PIBF1: variants seen among roughly 807,000 people sequenced by gnomAD.
The protein encoded by PIBF1 is progesterone-induced-blocking factor 1.
Under a neutral mutation model 112.5 loss-of-function variants are expected in PIBF1, and 90 were observed. The observed-to-expected ratio is 0.80, with a 90% CI of 0.67 to 0.95. The LOEUF (loss-of-function observed/expected upper bound fraction) is 0.95, where lower values mean the gene tolerates loss of function less well. Among genes scored for constraint, PIBF1 ranks in the 40% least tolerant of loss-of-function variants. PIBF1 has a pLI of 0.00. For missense variants in PIBF1, 915 were observed against 852.3 expected, an observed-to-expected ratio of 1.07 and a Z score of -0.92; for synonymous variants, 301 against 288.6, an observed-to-expected ratio of 1.04 and a Z score of -0.44.
rs1156850423 is a variant in PIBF1 at position 72,996,089 on chromosome 13, G to GT, written c.2050-2733_2050-2732insT. On this transcript the variant is annotated intron_variant, in intron 16 of 17. Coordinates refer to ENST00000326291, the MANE Select transcript of PIBF1 (RefSeq NM_006346.4). The stretch of plus-strand genomic sequence containing the variant: ...TCTTCATAACAAAAAAAAAAAAGCG[G>GT]GGGGGGGGGGTCATAAACAAAGTCA... Among the ~76,000 whole-genome samples, 3 of 111,002 alleles carry GT rather than the reference G, an allele frequency of 2.7e-5. 1 individual carries two copies. The highest frequency in any genetic ancestry group is 5.4e-5 in the Non-Finnish European group (3 of 55,918). 72.8% of individuals were successfully genotyped at this position (111,002 alleles called of 152,430 possible). A position where few individuals can be genotyped will look rare whatever the true frequency, so the allele number is the denominator to read the frequency against.
chr13:73,005,282 T>A (rs2139044640), intron 17 of PIBF1, among the ~76,000 whole-genome samples: 1 of 150,004 alleles, frequency 6.7e-6, no homozygotes, highest in East Asian at 2.0e-4. Flanking sequence ...TTTTGTGAGA[T>A]CCTACCTTTA....
chr13:72,796,069 T>C (rs1490810365), intron 4 of PIBF1, among the ~76,000 whole-genome samples: 1 of 152,192 alleles, frequency 6.6e-6, no homozygotes. Context: ...CCCCAATGAG[T>C]GTTTGTTTAT....
At chr13:72,868,207 T>C (rs1399301893) in intron 10 of PIBF1, among the ~76,000 whole-genome samples, 1 of 151,904 alleles carries the variant, frequency 6.6e-6, no homozygotes, top group Non-Finnish European at 1.5e-5. Flanking sequence ...AGGCTGAGGT[T>C]GAAGGATCCC....
intron 10 of PIBF1, among the ~76,000 whole-genome samples, chr13:72,863,756 G>C (rs1462255884): frequency 6.6e-6 from 1 of 151,816 alleles, no homozygotes; most frequent in Non-Finnish European, 1.5e-5. Context: ...ATTAAGGATT[G>C]TCTTAAAATA....
chr13:72,977,291 A>T (rs1218479535), intron 16 of PIBF1, among the ~76,000 whole-genome samples: 4 of 151,666 alleles, frequency 2.6e-5, no homozygotes, highest in Non-Finnish European at 4.4e-5. Flanking sequence ...CGCAACCTCC[A>T]CCTCCCTGGT....
At chr13:72,899,537 C>G (rs2040407621) in intron 11 of PIBF1, among the ~76,000 whole-genome samples, 1 of 152,132 alleles carries the variant, frequency 6.6e-6, no homozygotes, top group Non-Finnish European at 1.5e-5. Context: ...TCAATAGATG[C>G]AGAAACAGCG....
chr13:72,965,366 A>C lies in PIBF1; in HGVS notation c.1926A>C (p.Ser642=). 1 of 1,610,654 alleles carries C rather than the reference A, an allele frequency of 6.2e-7. No homozygotes were observed. The highest frequency in any genetic ancestry group is 8.5e-7 in the Non-Finnish European group (1 of 1,177,664). ...GTCAGAGAGATTCTAAGATTGATTC[A>C]CTGACGGAATCTATTGCACAACTTG... is the stretch of plus-strand genomic sequence containing the variant. The part of the protein sequence containing the change: ...SVRQRDSKID[S]LTESIAQLEK... Residue 642 remains serine (S), a synonymous_variant, in exon 15 of 18, where the codon TCA becomes TCC. Transcript: ENST00000326291.
intron 14 of PIBF1, among the ~76,000 whole-genome samples, chr13:72,939,877 T>C (rs2138810819): frequency 6.6e-6 from 1 of 152,262 alleles, no homozygotes; most frequent in Non-Finnish European, 1.5e-5. Flanking sequence ...CACTCCCTTC[T>C]AGTTTGCATC....
chr13:73,001,099 A>G (rs1032190763), intron 17 of PIBF1, among the ~76,000 whole-genome samples: 17 of 152,212 alleles, frequency 1.1e-4, no homozygotes, highest in African/African-American at 3.6e-4. Flanking sequence ...TGAACCGACT[A>G]GATAACCTGG....
At chr13:72,898,207 A>G (rs2040352043) in intron 11 of PIBF1, among the ~76,000 whole-genome samples, 1 of 152,190 alleles carries the variant, frequency 6.6e-6, no homozygotes, top group Non-Finnish European at 1.5e-5. Flanking sequence ...CTGCTCCTGA[A>G]TGAGCATCAG....
intron 8 of PIBF1, among the ~76,000 whole-genome samples, chr13:72,830,997 GA>G (rs1461493222): frequency 6.6e-6 from 1 of 152,118 alleles, no homozygotes; most frequent in East Asian, 1.9e-4. Flanking sequence ...TTAGACTTGG[GA>G]GGGTGTATGT....
chr13:72,925,762 G>A (rs978067681), intron 13 of PIBF1, among the ~76,000 whole-genome samples: 13 of 151,774 alleles, frequency 8.6e-5, no homozygotes, highest in African/African-American at 2.9e-4. Context: ...GGCTGGTCTC[G>A]AACTCCTGAC....
intron 16 of PIBF1, among the ~76,000 whole-genome samples, chr13:72,981,492 T>C (rs1440294846): frequency 6.6e-6 from 1 of 151,912 alleles, no homozygotes; most frequent in African/African-American, 2.4e-5. Flanking sequence ...TTTTGAAGAA[T>C]AGAAAAAAGA....
intron 13 of PIBF1, among the ~76,000 whole-genome samples, chr13:72,922,054 A>C (rs1403909132): frequency 6.6e-6 from 1 of 151,824 alleles, no homozygotes; most frequent in Non-Finnish European, 1.5e-5. Flanking sequence ...ATCATAGTTC[A>C]CTCTCATCTC....
intron 5 of PIBF1, among the ~76,000 whole-genome samples, chr13:72,809,575 A>C (rs1484947814): frequency 1.3e-5 from 2 of 148,828 alleles, no homozygotes; most frequent in Non-Finnish European, 3.0e-5. Flanking sequence ...AATTTAATAG[A>C]AGGTTTTTTT....
In PIBF1 at chr13:72,846,523, T is replaced by C. The variant is rs373400049; in HGVS notation, c.1224-7534T>C. 1.0e-3 allele frequency among the ~76,000 whole-genome samples: 154 copies of C among 152,344 alleles called. No individual in the cohort carries two copies. The Middle Eastern group carries it at 0.024, about 24-fold the overall frequency. On this transcript the variant is annotated intron_variant, in intron 9 of 17. Transcript: ENST00000326291. ...AAAGGCTCCCCATCATTAAACTTAGTAAAACTTTAAATGATTACAGTGGCC... is the reference window on the plus strand; with the variant it reads ...AAAGGCTCCCCATCATTAAACTTAGCAAAACTTTAAATGATTACAGTGGCC...
At chr13:72,851,907 A>T (rs1254961669) in intron 9 of PIBF1, among the ~76,000 whole-genome samples, 1 of 151,900 alleles carries the variant, frequency 6.6e-6, no homozygotes, top group African/African-American at 2.4e-5. Flanking sequence ...CTGCAGAGAG[A>T]ATCTACCCAC....
intron 5 of PIBF1, among the ~76,000 whole-genome samples, chr13:72,813,774 G>T (rs944179728): frequency 3.3e-5 from 5 of 152,172 alleles, no homozygotes; most frequent in African/African-American, 1.2e-4. Context: ...ATCATTAAGA[G>T]GAATGGACCC....
At chr13:72,925,053 A>G (rs2041434456) in intron 13 of PIBF1, among the ~76,000 whole-genome samples, 1 of 152,198 alleles carries the variant, frequency 6.6e-6, no homozygotes, top group Admixed American at 6.5e-5. Flanking sequence ...TAGAGTAGAC[A>G]TGAAGGGCAA....
Sources: allele counts gnomAD v4.1 joint callset (sites outside exome capture counted in the v4.1 genomes callset), GRCh38; gene constraint gnomAD v4.1.1; transcripts MANE v1.5; gene names NCBI Gene and HGNC (gene_info 2026-07-23, HGNC 2026-07-21).